The following B4GALNT4 variants were observed in gnomAD, a reference collection of about 807,000 sequenced individuals.
B4GALNT4 encodes beta-1,4-N-acetyl-galactosaminyltransferase 4.
B4GALNT4 carries 77 observed loss-of-function variants against 110.0 expected under a neutral mutation model. The observed-to-expected ratio is 0.70, with a 90% CI of 0.58 to 0.85. The LOEUF is 0.85. Ranked by LOEUF, B4GALNT4 falls within the 40% of genes least tolerant of loss-of-function variation. The probability of loss-of-function intolerance (pLI) is 0.00; values close to 1 mark genes in which losing one functional copy is unlikely to be tolerated. For missense variants in B4GALNT4, 1,575 were observed against 1,506.0 expected (o/e 1.05, Z -0.76); for synonymous variants, 785 against 655.5 (o/e 1.20, Z -3.02).
Position 377,002 on chromosome 11 carries a change from T to C in B4GALNT4, c.1879T>C (p.Ser627Pro). ...GTCCTCCGAAGCGCGGCCCGTGACC[T>C]CCTTCCTGAGCTTGTCCCAGGTGTC... ...NLSSEARPVT[S>P]FLSLSQVSGP... is the part of the protein sequence containing the mutation. Residue 627 changes from serine (S) to proline (P), a missense_variant, in exon 14 of 20, where the codon TCC becomes CCC. By Grantham distance (74) the Ser-to-Pro change is moderately conservative (BLOSUM62 -1). Transcript: ENST00000329962. The C allele has an allele frequency of 6.9e-7, 1 of 1,451,494 alleles. No homozygotes were observed. Among genetic ancestry groups the C allele is most frequent in the Non-Finnish European group, 9.0e-7 (1 of 1,107,534 alleles). The allele number at this position is 1,451,494 out of a possible 1,614,324, so 89.9% of individuals were successfully genotyped here. A position where few individuals can be genotyped will look rare whatever the true frequency, so the allele number is the denominator to read the frequency against.
At position 379,559 on chromosome 11, in the gene B4GALNT4, G is replaced by A. The variant is rs1409385176; in HGVS notation, c.2346G>A (p.Pro782=). The A allele has an allele frequency of 6.3e-7, 1 of 1,586,876 alleles. No homozygotes were observed. The highest frequency in any genetic ancestry group is 1.1e-5 in the South Asian group (1 of 89,492). The change falls in exon 15 of 20, where the codon CCG becomes CCA. Residue 782 remains proline (P), a synonymous_variant. Transcript: ENST00000329962. ...CCGAGTACGTCTTCCTGCGGCTGCC[G>A]GGAGCCCGCGTAGGGGATGCAGACG... ...RLSEYVFLRL[P]GARVGDADGE...
chr11:370,027 G>T (rs1454212662), intron 1 of B4GALNT4, 73 bp downstream of exon 1: 2 of 136,974 alleles, frequency 1.5e-5, no homozygotes. Flanking sequence ...CGGGCGGCGC[G>T]GGGGGCGCGG....
chr11:375,348 A>G (rs1028480061), intron 8 of B4GALNT4, 113 bp from the exon 9 acceptor site: 3 of 1,100,950 alleles, frequency 2.7e-6, no homozygotes, highest in Non-Finnish European at 4.1e-6. Context: ...CCTCTCCTGC[A>G]TCCTTTAAGG....
At chr11:377,631 G>A (rs534015352) in intron 14 of B4GALNT4, among the ~76,000 whole-genome samples, 1 of 152,234 alleles carries the variant, frequency 6.6e-6, no homozygotes, top group Non-Finnish European at 1.5e-5. Flanking sequence ...GCCCAGGGAT[G>A]AGTCCAAGCT....
Position 379,945 on chromosome 11 carries a change from C to T in B4GALNT4, c.2568C>T (p.Phe856=), listed in dbSNP as rs770071818. Residue 856 remains phenylalanine, a synonymous_variant, in exon 16 of 20, where the codon TTC becomes TTT. Transcript: ENST00000329962. The stretch of plus-strand genomic sequence containing the variant: ...ACGCGCGCACCGGGGACTCGCGTTT[C>T]AGCGTCGTCCTGGTGGATTTCGAGA... ...ALHARTGDSR[F]SVVLVDFESE... 6.2e-7 allele frequency: 1 copy of T among 1,612,220 alleles called. No homozygotes were observed. The highest frequency in any genetic ancestry group is 1.1e-5 in the South Asian group (1 of 91,082).
At chr11:375,592 A>G in intron 9 of B4GALNT4, 47 bp from the exon 10 acceptor site, 1 of 1,601,030 alleles carries the variant, frequency 6.2e-7, no homozygotes, top group Non-Finnish European at 8.5e-7. Context: ...GAGTGGGAAG[A>G]GTGGAGGAGG....
chr11:381,148 G>T, intron 19 of B4GALNT4, 197 bp downstream of exon 19: 1 of 985,076 alleles, frequency 1.0e-6, no homozygotes, highest in Non-Finnish European at 1.2e-6. Context: ...CCACCCCCAG[G>T]GTCCTGCAAG....
rs1258007976 is a variant in B4GALNT4 at position 376,748 on chromosome 11, C to T, written c.1625C>T (p.Ala542Val). Reference protein sequence around the residue: ...PGQRASPRAPAPRAPWPPFPG... With the variant: ...PGQRASPRAPVPRAPWPPFPG... The stretch of plus-strand genomic sequence containing the variant: ...CAGCGGGCATCCCCCCGGGCCCCAG[C>T]GCCGCGTGCGCCCTGGCCGCCCTTC... The change falls in exon 14 of 20, where the codon GCG becomes GTG. Residue 542 changes from alanine to valine, a missense_variant. Transcript: ENST00000329962. 7.2e-7 allele frequency: 1 copy of T among 1,390,950 alleles called. No homozygotes were observed. The highest frequency in any genetic ancestry group is 9.3e-7 in the Non-Finnish European group (1 of 1,077,082). 86.2% of individuals were successfully genotyped at this position (1,390,950 alleles called of 1,614,324 possible).
intron 11 of B4GALNT4, 46 bp downstream of exon 11, chr11:376,002 G>A (rs368716718): frequency 1.2e-6 from 2 of 1,604,938 alleles, no homozygotes; most frequent in South Asian, 2.2e-5. Context: ...ACTCCGCGGA[G>A]CCTTCTCCAG....
At chr11:376,196 TGCGGGGCGGGGTGG>T (rs777811069) in intron 12 of B4GALNT4, 22 bp downstream of exon 12, 4 of 429,274 alleles carry the variant, frequency 9.3e-6, no homozygotes, top group Non-Finnish European at 1.8e-5. Context: ...GCCGGGCTAA[TGCGGGGCGGGGTGG>T]GCGGGGCGGG....
intron 8 of B4GALNT4, among the ~76,000 whole-genome samples, chr11:374,155 A>G (rs954099815): frequency 3.3e-5 from 5 of 151,928 alleles, no homozygotes; most frequent in African/African-American, 1.2e-4. Context: ...GGTCTTCGAG[A>G]CTAGGAGGGG....
intron 9 of B4GALNT4, 22 bp from the exon 10 acceptor site, chr11:375,617 C>G: frequency 1.3e-6 from 2 of 1,594,312 alleles, no homozygotes; most frequent in Non-Finnish European, 1.7e-6. Context: ...CTGAGCACTC[C>G]CTGGAACTCT....
At chr11:370,390 G>C (rs1846596028) in intron 1 of B4GALNT4, among the ~76,000 whole-genome samples, 1 of 152,150 alleles carries the variant, frequency 6.6e-6, no homozygotes, top group African/African-American at 2.4e-5. Flanking sequence ...TTCCCTGTGT[G>C]CTGGGGACCC....
chr11:373,227 C>T lies in B4GALNT4; in HGVS notation c.572C>T (p.Ser191Leu), dbSNP rs1846652678. 6.8e-6 allele frequency: 11 copies of T among 1,612,122 alleles called. No individual in the cohort carries two copies. Among genetic ancestry groups the T allele is most frequent in the Non-Finnish European group, 9.3e-6 (11 of 1,179,600 alleles). The change falls in exon 6 of 20, where the codon TCG becomes TTG. Residue 191 changes from serine (S) to leucine (L), a missense_variant. Physicochemically the swap from Ser to Leu is moderately radical, Grantham distance 145. Transcript: ENST00000329962. ...VQFSVASDDN[S>L]EFWLSLDESP... The stretch of plus-strand genomic sequence containing the variant: ...TTTTCTGTGGCCTCAGACGACAACT[C>T]GGAGTTCTGGCTGAGTCTGGACGAG...
Position 373,007 on chromosome 11 carries a change from A to G in B4GALNT4, c.445-19A>G. On this transcript the variant is annotated intron_variant, in intron 4 of 19. Coordinates refer to ENST00000329962, the MANE Select transcript of B4GALNT4 (RefSeq NM_178537.5). ...GGGCACGCAGGGGGCTTCGACAGCA[A>G]CAGTCACTGCCCCCCCAGACGCGCA... 6.2e-7 allele frequency: 1 copy of G among 1,612,486 alleles called. No individual in the cohort carries two copies. The highest frequency in any genetic ancestry group is 8.5e-7 in the Non-Finnish European group (1 of 1,179,826).
Position 376,743 on chromosome 11 carries a change from C to T in B4GALNT4, c.1620C>T (p.Ala540=). ...CGGGACAGCGGGCATCCCCCCGGGC[C>T]CCAGCGCCGCGTGCGCCCTGGCCGC... ...VRPGQRASPR[A]PAPRAPWPPF... Residue 540 remains alanine, a synonymous_variant, in exon 14 of 20, where the codon GCC becomes GCT. Transcript: ENST00000329962. 1.4e-6 allele frequency: 2 copies of T among 1,394,454 alleles called. No homozygotes were observed. Among genetic ancestry groups the T allele is most frequent in the Non-Finnish European group, 1.9e-6 (2 of 1,079,194 alleles). The allele number at this position is 1,394,454 out of a possible 1,614,324, so 86.4% of individuals were successfully genotyped here.
chr11:372,523 T>C (rs1281187060), intron 2 of B4GALNT4, 139 bp from the exon 3 acceptor site: 1 of 802,596 alleles, frequency 1.2e-6, no homozygotes, highest in East Asian at 2.7e-5. Flanking sequence ...CAGGTCAGGG[T>C]TTGCATGGCT....
chr11:372,060 G>C, intron 1 of B4GALNT4, 49 bp from the exon 2 acceptor site: 2 of 1,473,902 alleles, frequency 1.4e-6, no homozygotes, highest in Middle Eastern at 2.3e-4. Flanking sequence ...AGGCAGAATG[G>C]CCTTGGAGAG....
Position 373,009 on chromosome 11 carries a change from A to G in B4GALNT4, c.445-17A>G. ...GCACGCAGGGGGCTTCGACAGCAAC[A>G]GTCACTGCCCCCCCAGACGCGCACC... On this transcript the variant is annotated splice_polypyrimidine_tract_variant and intron_variant, in intron 4 of 19. Transcript: ENST00000329962. 1.9e-6 allele frequency: 3 copies of G among 1,612,524 alleles called. No homozygotes were observed. The highest frequency in any genetic ancestry group is 2.5e-6 in the Non-Finnish European group (3 of 1,179,846).
Sources: gnomAD v4.1 joint callset for allele counts (sites outside exome capture counted in the v4.1 genomes callset) on GRCh38, gnomAD v4.1.1 for gene constraint, MANE v1.5 for transcripts, NCBI Gene and HGNC (gene_info 2026-07-23, HGNC 2026-07-21) for gene names.